MRPL43: variants seen among roughly 807,000 people sequenced by gnomAD.
MRPL43 encodes large ribosomal subunit protein mL43.
A neutral mutation model predicts 12.7 loss-of-function variants in MRPL43; 9 were observed. That is an observed-to-expected ratio of 0.71 (90% CI 0.43 to 1.24). The LOEUF (loss-of-function observed/expected upper bound fraction) is 1.24. Among genes scored for constraint, MRPL43 ranks in the 50% most tolerant of loss-of-function variants. The pLI is 0.00. For missense variants in MRPL43, 211 were observed against 229.2 expected, an observed-to-expected ratio of 0.92 and a Z score of 0.51; for synonymous variants, 116 against 96.4, an observed-to-expected ratio of 1.20 and a Z score of -1.19.
At chr10:100,981,836 T>C (rs1851093542), downstream of MRPL43, among the ~76,000 whole-genome samples, 1 of 152,058 alleles carries the variant, frequency 6.6e-6, no homozygotes, top group Non-Finnish European at 1.5e-5. Context: ...GGTAGGTGGA[T>C]TGCTTGAGCT....
At chr10:100,978,199 C>A (rs914647933), downstream of MRPL43, 10 of 827,250 alleles carry the variant, frequency 1.2e-5, no homozygotes, top group African/African-American at 1.4e-4. Context: ...TGCCCCTATC[C>A]CTGATCGCTG....
At chr10:100,983,966 G>A (rs764345648), downstream of MRPL43, 1 of 1,604,320 alleles carries the variant, frequency 6.2e-7, no homozygotes, top group African/African-American at 1.4e-5. Context: ...TGGTGGCACT[G>A]CCCAGCCGGC....
chr10:100,985,031 C>T (rs947649741), downstream of MRPL43: 54 of 985,128 alleles, frequency 5.5e-5, no homozygotes, highest in African/African-American at 1.6e-4. Flanking sequence ...GGGTTTAGTC[C>T]GTGGACATTT....
At chr10:100,979,462 A>G (rs1178177503), downstream of MRPL43, 2 of 1,420,234 alleles carry the variant, frequency 1.4e-6, no homozygotes, top group Non-Finnish European at 1.9e-6. Context: ...GGCTCACTGC[A>G]ATCTCCGCCT....
downstream of MRPL43, chr10:100,979,307 G>A (rs748319127): frequency 3.9e-5 from 63 of 1,613,978 alleles, no homozygotes; most frequent in South Asian, 2.1e-4. Flanking sequence ...AAGAAACTGC[G>A]GACAGCATAG....
downstream of MRPL43, chr10:100,985,082 C>A: frequency 1.6e-6 from 1 of 613,146 alleles, no homozygotes; most frequent in Non-Finnish European, 2.7e-6. Context: ...CCTCACAGGC[C>A]CTTGCCTAGG....
Position 100,986,462 on chromosome 10 carries a change from A to T in MRPL43, c.*272T>A. The T allele has an allele frequency of 2.0e-6, 3 of 1,529,272 alleles. No individual in the cohort carries two copies. The highest frequency in any genetic ancestry group is 2.6e-6 in the Non-Finnish European group (3 of 1,139,926). The allele number at this position is 1,529,272 out of a possible 1,614,324, so 94.7% of individuals were successfully genotyped here. A position where few individuals can be genotyped will look rare whatever the true frequency, so the allele number is the denominator to read the frequency against. On this transcript the variant is annotated 3_prime_UTR_variant, in exon 3 of 3. Transcript: ENST00000318364. ...AGATCATTATTATCAATTTGGATTT[A>T]AAAAACAAGGGCCCTGTAAAACCCT... is the stretch of plus-strand genomic sequence containing the variant.
downstream of MRPL43, chr10:100,985,685 T>A (rs62626263): frequency 2.6e-5 from 4 of 152,706 alleles, no homozygotes; most frequent in East Asian, 5.8e-4. Context: ...CCTGAGCCTA[T>A]ACAGAAGGTG....
chr10:100,981,451 C>A, downstream of MRPL43: 1 of 1,614,086 alleles, frequency 6.2e-7, no homozygotes, highest in South Asian at 1.1e-5. Context: ...AGTGTCTTGT[C>A]ACTTCTGGAG....
downstream of MRPL43, chr10:100,983,846 G>C: frequency 1.3e-6 from 2 of 1,591,128 alleles, no homozygotes; most frequent in African/African-American, 2.7e-5. Context: ...GTGATGATGA[G>C]GGGGCTGGGG....
At chr10:100,984,752 C>A (rs1323698735), downstream of MRPL43, 1 of 1,536,160 alleles carries the variant, frequency 6.5e-7, no homozygotes, top group Admixed American at 2.0e-5. Flanking sequence ...CTTCCCCAGC[C>A]CCATGTGGTG....
rs1481367916 is a variant in MRPL43 at position 100,986,978 on chromosome 10, G to A, written c.239-3C>T. On this transcript the variant is annotated splice_region_variant and splice_polypyrimidine_tract_variant and intron_variant, in intron 2 of 2. Coordinates refer to ENST00000318364, the MANE Select transcript of MRPL43 (RefSeq NM_032112.3). ...CTCCTCGCGCACAGCCCCGTTAACTGGCAGAAGAGGGGTGAGAGTGGGTGG... is the reference window on the plus strand; with the variant it reads ...CTCCTCGCGCACAGCCCCGTTAACTAGCAGAAGAGGGGTGAGAGTGGGTGG... 1.9e-6 allele frequency: 3 copies of A among 1,605,986 alleles called. No homozygotes were observed. The highest frequency in any genetic ancestry group is 2.2e-5 in the East Asian group (1 of 44,868).
At chr10:100,985,203 T>C (rs1222315298), downstream of MRPL43, 1 of 312,366 alleles carries the variant, frequency 3.2e-6, no homozygotes, top group Non-Finnish European at 5.9e-6. Context: ...ATGTCTCAAC[T>C]GGCACATGAA....
At chr10:100,978,721 A>C, downstream of MRPL43, 1 of 1,550,246 alleles carries the variant, frequency 6.5e-7, no homozygotes, top group Non-Finnish European at 8.9e-7. Flanking sequence ...TGACCACCCC[A>C]CCCCCAAATC....
downstream of MRPL43, chr10:100,980,888 C>G (rs140692272): frequency 2.5e-6 from 4 of 1,610,806 alleles, no homozygotes; most frequent in African/African-American, 5.4e-5. Flanking sequence ...CTCCCGCTAC[C>G]GATCCTGCTA....
At chr10:100,980,585 C>G, downstream of MRPL43, 1 of 1,613,768 alleles carries the variant, frequency 6.2e-7, no homozygotes, top group South Asian at 1.1e-5. Flanking sequence ...CAGCTGATGG[C>G]TGGATCCACA....
downstream of MRPL43, chr10:100,980,591 C>T: frequency 6.2e-7 from 1 of 1,614,012 alleles, no homozygotes; most frequent in Non-Finnish European, 8.5e-7. Flanking sequence ...ATGGCTGGAT[C>T]CACAAGGCCG....
At chr10:100,981,593 T>C, downstream of MRPL43, 1 of 1,605,462 alleles carries the variant, frequency 6.2e-7, no homozygotes, top group African/African-American at 1.3e-5. Context: ...TATTAAGTAT[T>C]TACTGTGTGC....
chr10:100,983,951 T>C (rs759454826), downstream of MRPL43: 6 of 1,352,426 alleles, frequency 4.4e-6, no homozygotes, highest in South Asian at 6.8e-5. Context: ...AGCTGACCAA[T>C]GGCTTGGTGG....
Sources: allele counts gnomAD v4.1 joint callset (sites outside exome capture counted in the v4.1 genomes callset), GRCh38; gene constraint gnomAD v4.1.1; transcripts MANE v1.5; gene names NCBI Gene and HGNC (gene_info 2026-07-23, HGNC 2026-07-21).